ATP9B: variants seen among roughly 807,000 people sequenced by gnomAD.
ATP9B encodes ATPase phospholipid transporting 9B, also known as probable phospholipid-transporting ATPase IIB.
In ATP9B, 110 loss-of-function variants were observed where a neutral mutation model predicts 146.1. That is an observed-to-expected ratio of 0.75 (90% CI 0.65 to 0.88). ATP9B has a LOEUF of 0.88. Ranked by LOEUF, ATP9B falls within the 40% of genes least tolerant of loss-of-function variation. The pLI, the probability that ATP9B is intolerant of heterozygous loss-of-function variation, is 0.00. For synonymous variants in ATP9B, 604 were observed against 569.7 expected (o/e 1.06, Z -0.86); for missense variants, 1,499 against 1,496.4 (o/e 1.00, Z -0.03).
At chr18:79,363,123 A>G (rs554974562) in intron 26 of ATP9B, 1 of 152,344 alleles carries the variant, frequency 6.6e-6, no homozygotes, top group Admixed American at 6.5e-5. Context: ...ACAACCTCCT[A>G]TACTTGTAAA....
intron 11 of ATP9B, among the ~76,000 whole-genome samples, chr18:79,217,853 G>C (rs1261844959): frequency 6.6e-6 from 1 of 152,150 alleles, no homozygotes; most frequent in Non-Finnish European, 1.5e-5. Context: ...ACATGTACAG[G>C]GGAAATCTCA....
At chr18:79,255,748 C>T (rs1369249632) in intron 12 of ATP9B, among the ~76,000 whole-genome samples, 6 of 152,114 alleles carry the variant, frequency 3.9e-5, no homozygotes, top group African/African-American at 1.2e-4. Flanking sequence ...AGTAGCTCCA[C>T]GTAAGGCACA....
intron 6 of ATP9B, among the ~76,000 whole-genome samples, chr18:79,152,128 C>T (rs1158552112): frequency 6.6e-6 from 1 of 152,112 alleles, no homozygotes; most frequent in African/African-American, 2.4e-5. Flanking sequence ...AATGAGACAC[C>T]ATCTCACGCC....
In ATP9B at chr18:79,118,402, T is replaced by G. The variant is rs796970188; in HGVS notation, c.558+5048T>G. ...ATTGAACGTTTTTGTTTTTTTTTTT[T>G]TTTTTTTTTTTTTTTTGAGACAGAG... On this transcript the variant is annotated intron_variant, in intron 4 of 29. Transcript: ENST00000426216. Among the ~76,000 whole-genome samples, 39 of 129,432 alleles carry G rather than the reference T, an allele frequency of 3.0e-4. 1 individual carries two copies. The highest frequency in any genetic ancestry group is 1.0e-3 in the African/African-American group (35 of 33,566). 84.9% of individuals were successfully genotyped at this position (129,432 alleles called of 152,430 possible). A position where few individuals can be genotyped will look rare whatever the true frequency, so the allele number is the denominator to read the frequency against.
chr18:79,105,101 TC>T (rs1300317405), intron 2 of ATP9B, among the ~76,000 whole-genome samples: 1 of 152,226 alleles, frequency 6.6e-6, no homozygotes, highest in African/African-American at 2.4e-5. Context: ...GTCATGCTGT[TC>T]TTATTCAGGA....
At chr18:79,268,465 C>G (rs1409886339) in intron 12 of ATP9B, among the ~76,000 whole-genome samples, 3 of 151,986 alleles carry the variant, frequency 2.0e-5, no homozygotes, top group Non-Finnish European at 4.4e-5. Context: ...TGTAATGCAA[C>G]TTTTTTCTCC....
intron 25 of ATP9B, chr18:79,352,911 C>T (rs1199005825): frequency 6.6e-6 from 1 of 152,256 alleles, no homozygotes; most frequent in Admixed American, 6.5e-5. Context: ...GAGTAAAATA[C>T]TTTCAGTACA....
chr18:79,368,521 G>T (rs1170688823), intron 26 of ATP9B, among the ~76,000 whole-genome samples: 1 of 152,178 alleles, frequency 6.6e-6, no homozygotes, highest in Non-Finnish European at 1.5e-5. Context: ...CCACCTTTAG[G>T]TGCACACTCT....
intron 5 of ATP9B, among the ~76,000 whole-genome samples, chr18:79,129,324 G>A (rs1310422643): frequency 1.3e-5 from 2 of 152,138 alleles, no homozygotes; most frequent in Non-Finnish European, 2.9e-5. Flanking sequence ...GCCAAGAACT[G>A]GAGGAATGCT....
intron 7 of ATP9B, among the ~76,000 whole-genome samples, chr18:79,160,076 G>C (rs2094854458): frequency 6.6e-6 from 1 of 152,152 alleles, no homozygotes; most frequent in Admixed American, 6.5e-5. Flanking sequence ...TGTGTGTCTT[G>C]TGATATTTTT....
intron 15 of ATP9B, among the ~76,000 whole-genome samples, chr18:79,311,436 G>A (rs1480624521): frequency 1.3e-5 from 2 of 152,074 alleles, no homozygotes; most frequent in Non-Finnish European, 2.9e-5. Flanking sequence ...CCCCTGATAC[G>A]GTGACCTCAG....
At chr18:79,152,283 T>C (rs1361216399) in intron 6 of ATP9B, among the ~76,000 whole-genome samples, 2 of 152,234 alleles carry the variant, frequency 1.3e-5, no homozygotes, top group Admixed American at 6.5e-5. Flanking sequence ...CTAATAAGAT[T>C]CAATACTTTT....
chr18:79,312,828 A>G (rs1376225296), intron 15 of ATP9B, among the ~76,000 whole-genome samples: 2 of 152,222 alleles, frequency 1.3e-5, no homozygotes, highest in Admixed American at 6.5e-5. Context: ...AATTACGATA[A>G]AGAACTTAAG....
At chr18:79,256,280 T>TACAC (rs1285696658) in intron 12 of ATP9B, among the ~76,000 whole-genome samples, 3 of 129,162 alleles carry the variant, frequency 2.3e-5, no homozygotes. Context: ...TATATATATA[T>TACAC]ATATATACAT....
intron 11 of ATP9B, among the ~76,000 whole-genome samples, chr18:79,233,643 G>A (rs1344393282): frequency 6.6e-6 from 1 of 152,176 alleles, no homozygotes; most frequent in Non-Finnish European, 1.5e-5. Context: ...CGTTACAGAT[G>A]TTGATGAACA....
At chr18:79,300,040 TGAG>T (rs2096579728) in intron 13 of ATP9B, 1 of 152,170 alleles carries the variant, frequency 6.6e-6, no homozygotes, top group Non-Finnish European at 1.5e-5. Context: ...CGTACTAGAA[TGAG>T]GAGGTGTTTG....
chr18:79,118,390 G>GGTTT (rs1555689295), intron 4 of ATP9B, among the ~76,000 whole-genome samples: 5,074 of 93,394 alleles, frequency 0.054, 415 homozygotes, highest in East Asian at 0.11. Flanking sequence ...GAACGTTTTT[G>GGTTT]TTTTTTTTTT....
At position 79,239,210 on chromosome 18, in the gene ATP9B, G is replaced by T. The variant is rs1483961643; in HGVS notation, c.1108-14171G>T. 6.6e-6 allele frequency among the ~76,000 whole-genome samples: 1 copy of T among 152,162 alleles called. No homozygotes were observed. Among genetic ancestry groups the T allele is most frequent in the Non-Finnish European group, 1.5e-5 (1 of 68,044 alleles). On this transcript the variant is annotated intron_variant, in intron 11 of 29. Coordinates refer to ENST00000426216, the MANE Select transcript of ATP9B (RefSeq NM_198531.5). The surrounding 1 kb of genome is among the most constrained non-coding windows in gnomAD (Gnocchi z 5.1). ...AGAAAGCATGCAGGGAGGTGTCTGG[G>T]GCGAGACAGGGCCTGGCCCTGGTGG...
chr18:79,372,647 T>G (rs1240193492), intron 26 of ATP9B, 178 bp from the exon 27 acceptor site: 1 of 679,248 alleles, frequency 1.5e-6, no homozygotes, highest in Non-Finnish European at 2.7e-6. Flanking sequence ...GGCAGCTTCT[T>G]CAGGATTCGG....
Sources: allele counts gnomAD v4.1 joint callset (sites outside exome capture counted in the v4.1 genomes callset), GRCh38; gene constraint gnomAD v4.1.1; non-coding constraint Gnocchi (gnomAD v3.1); transcripts MANE v1.5; gene names NCBI Gene and HGNC (gene_info 2026-07-23, HGNC 2026-07-21).